The following CDC42SE2 variants were observed in gnomAD, a reference collection of about 807,000 sequenced individuals.
The protein encoded by CDC42SE2 is CDC42 small effector protein 2.
A neutral mutation model predicts 11.5 loss-of-function variants in CDC42SE2; 3 were observed. That is an observed-to-expected ratio of 0.26 (90% CI 0.12 to 0.67). The LOEUF (loss-of-function observed/expected upper bound fraction) is 0.67, where lower values mean the gene tolerates loss of function less well. CDC42SE2 is among the 30% of genes least tolerant of loss of function. The pLI, the probability that CDC42SE2 is intolerant of heterozygous loss-of-function variation, is 0.80. For synonymous variants in CDC42SE2, 33 were observed against 34.8 expected (o/e 0.95, Z 0.18); for missense variants, 82 against 106.8 (o/e 0.77, Z 1.02).
At chr5:131,350,297 A>G (rs1355070875) in intron 2 of CDC42SE2, among the ~76,000 whole-genome samples, 1 of 151,910 alleles carries the variant, frequency 6.6e-6, no homozygotes, top group Admixed American at 6.6e-5. Context: ...TTTCTGTGGT[A>G]TAATTCATAA....
chr5:131,325,130 A>G (rs1053464272), intron 2 of CDC42SE2, among the ~76,000 whole-genome samples: 7 of 152,170 alleles, frequency 4.6e-5, no homozygotes, highest in Non-Finnish European at 2.9e-5. Context: ...AATAAGAAAT[A>G]TTGCAAGAAA....
At chr5:131,334,849 T>C (rs1322895103) in intron 2 of CDC42SE2, among the ~76,000 whole-genome samples, 1 of 152,194 alleles carries the variant, frequency 6.6e-6, no homozygotes, top group Non-Finnish European at 1.5e-5. Flanking sequence ...ATTTGATTCT[T>C]CTCTCTTTTC....
chr5:131,223,129 T>C, the CDC42SE2 span, among the ~76,000 whole-genome samples: 1 of 152,244 alleles, frequency 6.6e-6, no homozygotes, highest in Admixed American at 6.5e-5. Context: ...GAAAATTGTT[T>C]TCTCCCCTTT....
At chr5:131,364,901 C>A (rs13162158) in intron 3 of CDC42SE2, among the ~76,000 whole-genome samples, 1 of 152,120 alleles carries the variant, frequency 6.6e-6, no homozygotes, top group Non-Finnish European at 1.5e-5. Context: ...TTAGATGGTT[C>A]AAGGTTACTT....
intron 2 of CDC42SE2, among the ~76,000 whole-genome samples, chr5:131,354,431 T>G (rs1749470565): frequency 6.6e-6 from 1 of 152,198 alleles, no homozygotes; most frequent in Admixed American, 6.5e-5. Flanking sequence ...CTCCTGACTT[T>G]AATTATAAGT....
chr5:131,318,924 C>T, intron 2 of CDC42SE2, among the ~76,000 whole-genome samples: 1 of 152,130 alleles, frequency 6.6e-6, no homozygotes, highest in South Asian at 2.1e-4. Flanking sequence ...CTTTTTGAGA[C>T]AGAGTCTCAC....
chr5:131,260,946 A>C, upstream of CDC42SE2, among the ~76,000 whole-genome samples: 1 of 151,770 alleles, frequency 6.6e-6, no homozygotes, highest in Admixed American at 6.6e-5. Flanking sequence ...AAAACAAAAC[A>C]AAAACAAAAA....
chr5:131,237,728 T>C, the CDC42SE2 span, among the ~76,000 whole-genome samples: 5 of 152,116 alleles, frequency 3.3e-5, no homozygotes, highest in African/African-American at 9.7e-5. Flanking sequence ...TGTAGGATTG[T>C]AGGCGCTCAC....
intron 2 of CDC42SE2, among the ~76,000 whole-genome samples, chr5:131,345,203 C>A (rs928426723): frequency 6.6e-6 from 1 of 152,132 alleles, no homozygotes; most frequent in Non-Finnish European, 1.5e-5. Context: ...TAATAAACTT[C>A]TCCGAGCTAA....
chr5:131,337,377 CT>C (rs1758597194), intron 2 of CDC42SE2, among the ~76,000 whole-genome samples: 1 of 152,216 alleles, frequency 6.6e-6, no homozygotes, highest in South Asian at 2.1e-4. Flanking sequence ...AAGTCTGCCC[CT>C]ACTGGGGGGT....
intron 2 of CDC42SE2, among the ~76,000 whole-genome samples, chr5:131,328,568 T>C (rs1318567252): frequency 6.6e-6 from 1 of 152,228 alleles, no homozygotes; most frequent in Non-Finnish European, 1.5e-5. Flanking sequence ...TCCTTTTTCA[T>C]GGTTTCCTGT....
At chr5:131,342,070 A>C (rs1045122472) in intron 2 of CDC42SE2, among the ~76,000 whole-genome samples, 4 of 151,960 alleles carry the variant, frequency 2.6e-5, no homozygotes, top group Admixed American at 6.6e-5. Context: ...TCAGGAGGTC[A>C]GGAGATCGAG....
chr5:131,220,600 C>T, the CDC42SE2 span, among the ~76,000 whole-genome samples: 1 of 152,092 alleles, frequency 6.6e-6, no homozygotes, highest in African/African-American at 2.4e-5. Flanking sequence ...TAGAATATTC[C>T]ATTATAGATG....
Position 131,334,071 on chromosome 5 carries a change from A to C in CDC42SE2, c.-286+17927A>C, listed in dbSNP as rs6874969. On this transcript the variant is annotated intron_variant, in intron 2 of 4. Transcript: ENST00000505065. Reference sequence around the variant, plus strand: ...TTCAAAGGGAATGCTTCCAGTTTTTATCCATTCAGTATGATATTGGCTGTG... The same window carrying C: ...TTCAAAGGGAATGCTTCCAGTTTTTCTCCATTCAGTATGATATTGGCTGTG... Among the ~76,000 whole-genome samples the C allele has an allele frequency of 2.0e-5, 3 of 151,136 alleles. No individual in the cohort carries two copies. The South Asian group carries it at 6.2e-4, about 31-fold the overall frequency.
intron 3 of CDC42SE2, among the ~76,000 whole-genome samples, chr5:131,377,365 C>T (rs1042481145): frequency 1.3e-5 from 2 of 152,034 alleles, no homozygotes; most frequent in Admixed American, 6.6e-5. Flanking sequence ...GATGGTGTTT[C>T]GCCATGTTGC....
chr5:131,350,161 T>C (rs1322896602), intron 2 of CDC42SE2, among the ~76,000 whole-genome samples: 2 of 152,048 alleles, frequency 1.3e-5, no homozygotes, highest in Non-Finnish European at 2.9e-5. Flanking sequence ...TCCTTCTATG[T>C]AGCAAATGAG....
At chr5:131,274,685 G>C (rs1448256156) in intron 1 of CDC42SE2, among the ~76,000 whole-genome samples, 1 of 152,104 alleles carries the variant, frequency 6.6e-6, no homozygotes, top group African/African-American at 2.4e-5. Flanking sequence ...ACCCTTCATC[G>C]TCTGTACGTC....
chr5:131,363,207 C>T (rs1308110075), intron 3 of CDC42SE2, among the ~76,000 whole-genome samples: 1 of 150,310 alleles, frequency 6.7e-6, no homozygotes, highest in African/African-American at 2.4e-5. Context: ...ACTTATTGAG[C>T]ATCAGAATAC....
intron 2 of CDC42SE2, among the ~76,000 whole-genome samples, chr5:131,318,790 C>G (rs996499049): frequency 4.6e-5 from 7 of 152,212 alleles, no homozygotes; most frequent in African/African-American, 1.7e-4. Flanking sequence ...TCTCAACCCT[C>G]AATTATACAT....
Sources: allele counts gnomAD v4.1 joint callset (sites outside exome capture counted in the v4.1 genomes callset), GRCh38; gene constraint gnomAD v4.1.1; transcripts MANE v1.5; gene names NCBI Gene and HGNC (gene_info 2026-07-23, HGNC 2026-07-21).